Variants in SORCS2 observed in about 807,000 individuals in gnomAD.
SORCS2 encodes VPS10 domain-containing receptor SorCS2.
A neutral mutation model predicts 141.6 loss-of-function variants in SORCS2; 100 were observed. The observed-to-expected ratio is 0.71, with a 90% CI of 0.60 to 0.83. SORCS2 has a LOEUF of 0.83. Ranked by LOEUF, SORCS2 falls within the 40% of genes least tolerant of loss-of-function variation. SORCS2 has a pLI of 0.00. For missense variants in SORCS2, 1,646 were observed against 1,560.2 expected (o/e 1.05, Z -0.93); for synonymous variants, 789 against 676.9 (o/e 1.17, Z -2.57).
intron 2 of SORCS2, among the ~76,000 whole-genome samples, chr4:7,525,058 C>G (rs1370700700): frequency 6.6e-6 from 1 of 152,242 alleles, no homozygotes; most frequent in East Asian, 1.9e-4. Context: ...GGCACGCCCA[C>G]TGGGCGTTCT....
At chr4:7,557,969 A>G (rs528567767) in intron 3 of SORCS2, among the ~76,000 whole-genome samples, 5 of 152,258 alleles carry the variant, frequency 3.3e-5, no homozygotes, top group African/African-American at 7.2e-5. Context: ...ACAGACACCA[A>G]GAAGACAAGA....
At chr4:7,678,365 C>G (rs902205897) in intron 9 of SORCS2, among the ~76,000 whole-genome samples, 5 of 150,742 alleles carry the variant, frequency 3.3e-5, no homozygotes, top group African/African-American at 1.2e-4. Context: ...GGGTGCCCTC[C>G]CAAGGGATGG....
rs551798376 is a variant in SORCS2, at chr4:7,478,147, C to T, written c.549-53383C>T. On this transcript the variant is annotated intron_variant, in intron 2 of 26. Transcript: ENST00000507866. ...GGGTCCCGCAGCAGACCACCCATAA[C>T]GGGAGCCATTTGCCCAGTGAGGCAG... is the stretch of plus-strand genomic sequence containing the variant. 1.1e-3 allele frequency among the ~76,000 whole-genome samples: 161 copies of T among 152,282 alleles called. 1 individual carries two copies. Among genetic ancestry groups the T allele is most frequent in the African/African-American group, 3.7e-3 (155 of 41,560 alleles).
intron 3 of SORCS2, among the ~76,000 whole-genome samples, chr4:7,546,090 G>A (rs528564514): frequency 4.6e-5 from 7 of 152,068 alleles, no homozygotes; most frequent in African/African-American, 1.2e-4. Flanking sequence ...CAAAGGTCCT[G>A]CCTCCAAATC....
chr4:7,439,957 A>C (rs1279258933), intron 2 of SORCS2, among the ~76,000 whole-genome samples: 1 of 152,158 alleles, frequency 6.6e-6, no homozygotes, highest in African/African-American at 2.4e-5. Context: ...CGAAGTGACC[A>C]CAGCAGCTGC....
intron 2 of SORCS2, among the ~76,000 whole-genome samples, chr4:7,496,447 A>ACCTGGTC (rs1731626177): frequency 6.7e-5 from 4 of 59,944 alleles, no homozygotes; most frequent in East Asian, 5.6e-4. Flanking sequence ...CCCACTCCCC[A>ACCTGGTC]CCCGTTCCCC....
At chr4:7,320,732 G>T (rs781279762) in intron 1 of SORCS2, among the ~76,000 whole-genome samples, 1 of 152,146 alleles carries the variant, frequency 6.6e-6, no homozygotes, top group South Asian at 2.1e-4. Context: ...TCCATGGAAG[G>T]CTGGGGAAAG....
intron 2 of SORCS2, among the ~76,000 whole-genome samples, chr4:7,468,600 A>G (rs28376533): frequency 0.66 from 100,288 of 151,574 alleles, 33,627 homozygotes; most frequent in Non-Finnish European, 0.73. Flanking sequence ...GTGAATGAAT[A>G]AGCGTTCTTG....
At chr4:7,487,795 T>C (rs1409252312) in intron 2 of SORCS2, among the ~76,000 whole-genome samples, 1 of 152,190 alleles carries the variant, frequency 6.6e-6, no homozygotes, top group East Asian at 1.9e-4. Context: ...CCCCAGCAGC[T>C]ACGGTACCGA....
intron 1 of SORCS2, among the ~76,000 whole-genome samples, chr4:7,253,916 G>A (rs1033705045): frequency 2.6e-5 from 4 of 152,140 alleles, no homozygotes; most frequent in African/African-American, 7.2e-5. Flanking sequence ...AGAGTTATAT[G>A]AAAAAAATCT....
chr4:7,524,659 G>A (rs766506076), intron 2 of SORCS2, among the ~76,000 whole-genome samples: 25 of 151,726 alleles, frequency 1.6e-4, no homozygotes, highest in African/African-American at 5.8e-4. Context: ...CAGCGCCGCC[G>A]CCCTTGTTCT....
chr4:7,657,951 C>T (rs1002030136), intron 5 of SORCS2, among the ~76,000 whole-genome samples: 11 of 145,390 alleles, frequency 7.6e-5, no homozygotes, highest in Non-Finnish European at 1.2e-4. Flanking sequence ...AGTGAGTGGA[C>T]GAGTGATTAG....
intron 1 of SORCS2, among the ~76,000 whole-genome samples, chr4:7,317,917 T>G (rs1718666045): frequency 6.6e-6 from 1 of 152,084 alleles, no homozygotes; most frequent in South Asian, 2.1e-4. Context: ...CCCCCGGAAT[T>G]TAAATGTTGA....
intron 2 of SORCS2, among the ~76,000 whole-genome samples, chr4:7,502,535 C>G (rs545196944): frequency 6.6e-6 from 1 of 152,208 alleles, no homozygotes; most frequent in African/African-American, 2.4e-5. Flanking sequence ...GCTGGTCTGA[C>G]TGTGGGCCTC....
intron 3 of SORCS2, among the ~76,000 whole-genome samples, chr4:7,536,839 G>GC (rs1409859195): frequency 4.5e-5 from 2 of 44,888 alleles, no homozygotes; most frequent in African/African-American, 7.9e-5. Flanking sequence ...ATGTGGGGGG[G>GC]GGGGGCGGGC....
intron 1 of SORCS2, among the ~76,000 whole-genome samples, chr4:7,394,113 A>C (rs748730350): frequency 4.6e-5 from 7 of 151,972 alleles, no homozygotes; most frequent in Non-Finnish European, 1.0e-4. Context: ...AAGCCAGTAG[A>C]ACGATTCTGT....
At chr4:7,678,079 G>A (rs7664871) in intron 9 of SORCS2, among the ~76,000 whole-genome samples, 102,667 of 152,112 alleles carry the variant, frequency 0.67, 34,956 homozygotes, top group African/African-American at 0.75. Flanking sequence ...CACAGGCTGG[G>A]TACAACACGC....
chr4:7,646,900 C>T (rs188630258), intron 4 of SORCS2, among the ~76,000 whole-genome samples: 13 of 152,282 alleles, frequency 8.5e-5, no homozygotes, highest in Admixed American at 2.6e-4. Flanking sequence ...GAGGCACATG[C>T]GCGTTTTGGG....
rs563801400 is a variant in SORCS2, at chr4:7,213,521, A to G, written c.480+20395A>G. ...GCGGAGGTGCTCTGTGGCCACACTC[A>G]TTCAGTGTTGATCTGAGTCTTCCAG... On this transcript the variant is annotated intron_variant, in intron 1 of 26. Coordinates refer to ENST00000507866, the MANE Select transcript of SORCS2 (RefSeq NM_020777.3). Among the ~76,000 whole-genome samples, 23 of 152,368 alleles carry G rather than the reference A, an allele frequency of 1.5e-4. No individual in the cohort carries two copies. The South Asian group carries it at 4.8e-3, about 32-fold the overall frequency.
Sources: allele counts gnomAD v4.1 joint callset (sites outside exome capture counted in the v4.1 genomes callset), GRCh38; gene constraint gnomAD v4.1.1; transcripts MANE v1.5; gene names NCBI Gene and HGNC (gene_info 2026-07-23, HGNC 2026-07-21).